The following SPOCK1 variants were observed in gnomAD, a reference collection of about 807,000 sequenced individuals.
SPOCK1 encodes the protein SPARC (osteonectin), cwcv and kazal like domains proteoglycan 1, also known as testican-1.
SPOCK1 carries 23 observed loss-of-function variants against 55.3 expected under a neutral mutation model. The observed-to-expected ratio is 0.42, with a 90% CI of 0.30 to 0.59. SPOCK1 has a LOEUF of 0.59. SPOCK1 is among the 20% of genes least tolerant of loss of function. SPOCK1 has a pLI of 0.22. For synonymous variants in SPOCK1, 226 were observed against 221.0 expected (o/e 1.02, Z -0.20); for missense variants, 499 against 552.5 (o/e 0.90, Z 0.97).
At chr5:137,112,294 T>C (rs967889937) in intron 5 of SPOCK1, 141 bp downstream of exon 5, 1 of 1,040,458 alleles carries the variant, frequency 9.6e-7, no homozygotes, top group African/African-American at 1.6e-5. Flanking sequence ...AGAACATCTC[T>C]GAGTCTGCTA....
At chr5:137,023,960 ATTTTT>A (rs34202986) in intron 6 of SPOCK1, among the ~76,000 whole-genome samples, 1 of 129,904 alleles carries the variant, frequency 7.7e-6, no homozygotes, top group Non-Finnish European at 1.6e-5. Context: ...TCAATATAGT[ATTTTT>A]TTTTTTTTTT....
chr5:137,468,776 G>C (rs1753673212), intron 2 of SPOCK1, among the ~76,000 whole-genome samples: 2 of 152,174 alleles, frequency 1.3e-5, no homozygotes, highest in Non-Finnish European at 2.9e-5. Flanking sequence ...CAAAGTAAAA[G>C]CCACAGGGAG....
chr5:137,406,697 TA>T (rs1752106614), intron 2 of SPOCK1, among the ~76,000 whole-genome samples: 1 of 152,210 alleles, frequency 6.6e-6, no homozygotes, highest in Non-Finnish European at 1.5e-5. Context: ...GTTCTATGGA[TA>T]GCTCTAGTTA....
chr5:137,380,180 C>CT (rs1561520322), intron 2 of SPOCK1, among the ~76,000 whole-genome samples: 1 of 152,168 alleles, frequency 6.6e-6, no homozygotes, highest in Non-Finnish European at 1.5e-5. Context: ...AAAGGACTCA[C>CT]TAAGGGCACA....
chr5:137,244,715 G>A (rs1561482727), intron 3 of SPOCK1, among the ~76,000 whole-genome samples: 1 of 152,154 alleles, frequency 6.6e-6, no homozygotes. Context: ...AGGAACTGGG[G>A]CTACCAAACA....
intron 2 of SPOCK1, 71 bp downstream of exon 2, chr5:137,498,296 ACACACC>A: frequency 3.7e-6 from 5 of 1,365,412 alleles, no homozygotes; most frequent in Non-Finnish European, 4.8e-6. Context: ...ACACACACAC[ACACACC>A]CCAACCCCGC....
chr5:137,336,295 T>C (rs974704390), intron 2 of SPOCK1, among the ~76,000 whole-genome samples: 7 of 152,136 alleles, frequency 4.6e-5, no homozygotes, highest in African/African-American at 1.7e-4. Context: ...CCTGTGTCTA[T>C]CATAGGGACA....
At chr5:136,984,166 C>T (rs563841593) in intron 9 of SPOCK1, among the ~76,000 whole-genome samples, 3 of 152,120 alleles carry the variant, frequency 2.0e-5, no homozygotes, top group Non-Finnish European at 1.5e-5. Context: ...CTAAAGAGTT[C>T]GAAATCCTGA....
rs148235889 is a variant in SPOCK1, at chr5:137,343,836, C to T, written c.187-76781G>A. 5.1e-3 allele frequency among the ~76,000 whole-genome samples: 781 copies of T among 152,238 alleles called. 10 individuals are homozygous for T. Among genetic ancestry groups the T allele is most frequent in the African/African-American group, 0.014 (587 of 41,530 alleles). ...AGGTGCTGGGGGCTACTGACATTCCCCCAGTTAACTGACTTCCAGTGGAAG... is the reference window on the plus strand; with the variant it reads ...AGGTGCTGGGGGCTACTGACATTCCTCCAGTTAACTGACTTCCAGTGGAAG... On this transcript the variant is annotated intron_variant, in intron 2 of 10. Transcript: ENST00000394945.
chr5:137,197,491 G>A (rs886448639), intron 3 of SPOCK1, among the ~76,000 whole-genome samples: 10 of 152,240 alleles, frequency 6.6e-5, no homozygotes, highest in African/African-American at 2.2e-4. Context: ...ATATCTACCT[G>A]CCAAGGCTGC....
intron 2 of SPOCK1, among the ~76,000 whole-genome samples, chr5:137,367,061 A>G (rs1448770208): frequency 1.3e-5 from 2 of 152,244 alleles, no homozygotes; most frequent in East Asian, 1.9e-4. Flanking sequence ...GTCAATTCAC[A>G]TGTTCACATA....
chr5:137,085,951 T>C (rs1752954770), intron 5 of SPOCK1, among the ~76,000 whole-genome samples: 2 of 152,206 alleles, frequency 1.3e-5, no homozygotes, highest in African/African-American at 4.8e-5. Context: ...TACAGTGTTT[T>C]CTGCAACATC....
At chr5:137,154,700 T>G (rs771929577) in intron 3 of SPOCK1, among the ~76,000 whole-genome samples, 1 of 152,164 alleles carries the variant, frequency 6.6e-6, no homozygotes. Context: ...GTACTCAGCT[T>G]TATGATCATC....
chr5:136,991,675 A>C (rs1418127416), intron 7 of SPOCK1, among the ~76,000 whole-genome samples: 1 of 152,218 alleles, frequency 6.6e-6, no homozygotes, highest in African/African-American at 2.4e-5. Flanking sequence ...GCCAAACTAC[A>C]TATATCAAAT....
intron 3 of SPOCK1, among the ~76,000 whole-genome samples, chr5:137,244,877 T>TA (rs1472645574): frequency 1.3e-5 from 2 of 152,178 alleles, no homozygotes; most frequent in Non-Finnish European, 2.9e-5. Flanking sequence ...TCCAACCCCC[T>TA]ACAGGGTGGG....
chr5:137,481,931 T>C (rs1053076647), intron 2 of SPOCK1, among the ~76,000 whole-genome samples: 1 of 151,932 alleles, frequency 6.6e-6, no homozygotes, highest in African/African-American at 2.4e-5. Flanking sequence ...AGGAGTTACA[T>C]TGGCAGGAAG....
intron 2 of SPOCK1, among the ~76,000 whole-genome samples, chr5:137,420,372 T>C (rs1254954104): frequency 7.2e-5 from 11 of 152,236 alleles, no homozygotes; most frequent in Non-Finnish European, 1.3e-4. Flanking sequence ...GAAGGAATGG[T>C]ACCAGCTCCT....
intron 5 of SPOCK1, among the ~76,000 whole-genome samples, chr5:137,088,571 C>A (rs1181296177): frequency 6.6e-6 from 1 of 152,140 alleles, no homozygotes; most frequent in Non-Finnish European, 1.5e-5. Flanking sequence ...CTCGTCTCAC[C>A]CACCTTCACC....
chr5:137,328,015 C>G lies in SPOCK1; in HGVS notation c.187-60960G>C, dbSNP rs139970731. ...CCATGGTCCACGCCCACCTGTGAAG[C>G]CATTTAAGGTGGAAACAGCAGCAGC... On this transcript the variant is annotated intron_variant, in intron 2 of 10. Transcript: ENST00000394945. Among the ~76,000 whole-genome samples, 65 of 152,328 alleles carry G rather than the reference C, an allele frequency of 4.3e-4. 1 individual carries two copies. The highest frequency in any genetic ancestry group is 3.4e-3 in the Middle Eastern group (1 of 294).
Sources: gnomAD v4.1 joint callset for allele counts (sites outside exome capture counted in the v4.1 genomes callset) on GRCh38, gnomAD v4.1.1 for gene constraint, MANE v1.5 for transcripts, NCBI Gene and HGNC (gene_info 2026-07-23, HGNC 2026-07-21) for gene names.